The following ASMTL variants were observed in gnomAD, a reference collection of about 807,000 sequenced individuals.
ASMTL encodes probable bifunctional dTTP/UTP pyrophosphatase/methyltransferase protein.
A neutral mutation model predicts 60.3 loss-of-function variants in ASMTL; 57 were observed. The ratio of observed to expected loss-of-function variants is 0.95; its 90% CI spans 0.76 to 1.18. The LOEUF is 1.18. ASMTL is among the 50% of genes most tolerant of loss of function. The pLI, the probability that ASMTL is intolerant of heterozygous loss-of-function variation, is 0.00. For synonymous variants in ASMTL, 419 were observed against 373.0 expected (o/e 1.12, Z -1.42); for missense variants, 981 against 852.6 (o/e 1.15, Z -1.88).
At chrX:1,416,971 CGCAT>C (rs2090305346) in intron 11 of ASMTL, among the ~76,000 whole-genome samples, 1 of 151,776 alleles carries the variant, frequency 6.6e-6, no homozygotes, top group Non-Finnish European at 1.5e-5. Flanking sequence ...CGTACAGACA[CGCAT>C]GCAAGGACAT....
chrX:1,450,742 C>A (rs2091346605), intron 1 of ASMTL, among the ~76,000 whole-genome samples: 1 of 144,776 alleles, frequency 6.9e-6, no homozygotes, highest in Admixed American at 6.8e-5. Flanking sequence ...TTACTCTCCC[C>A]TCCCCCATCC....
At position 1,445,295 on chromosome X, in the gene ASMTL, C is replaced by G. The variant is rs187992843; in HGVS notation, c.94-2978G>C. Among the ~76,000 whole-genome samples, 369 of 152,236 alleles carry G rather than the reference C, an allele frequency of 2.4e-3. 5 individuals are homozygous for G. Among genetic ancestry groups the G allele is most frequent in the African/African-American group, 8.4e-3 (350 of 41,538 alleles). On this transcript the variant is annotated intron_variant, in intron 1 of 12. Transcript: ENST00000381317. ...GGGTTGCCTAAAACACAAACAGACA[C>G]TCTCGGCTTCCTTTTACCAGCCCAC... is the stretch of plus-strand genomic sequence containing the variant.
intron 1 of ASMTL, among the ~76,000 whole-genome samples, chrX:1,447,779 C>A (rs1569534986): frequency 6.6e-6 from 1 of 151,626 alleles, no homozygotes; most frequent in Non-Finnish European, 1.5e-5. Flanking sequence ...ACACACACCG[C>A]CATCTTGGAT....
chrX:1,411,574 C>CTG (rs1183421608), intron 12 of ASMTL, among the ~76,000 whole-genome samples: 1 of 133,100 alleles, frequency 7.5e-6, no homozygotes, highest in African/African-American at 2.9e-5. Context: ...ATGGTGCGTG[C>CTG]TGTGTGTGTG....
chrX:1,424,443 C>T (rs1177403480), intron 8 of ASMTL, among the ~76,000 whole-genome samples: 4 of 140,908 alleles, frequency 2.8e-5, no homozygotes, highest in Non-Finnish European at 6.2e-5. Context: ...CAGCCGTGCA[C>T]CCATCCATCC....
At chrX:1,450,992 C>G (rs1486760763) in intron 1 of ASMTL, among the ~76,000 whole-genome samples, 1 of 148,968 alleles carries the variant, frequency 6.7e-6, no homozygotes, top group Admixed American at 6.6e-5. Flanking sequence ...TCTCCCCTCC[C>G]CCATCCCTAG....
At chrX:1,437,205 TTCC>T (rs1292628877) in intron 3 of ASMTL, among the ~76,000 whole-genome samples, 1 of 152,092 alleles carries the variant, frequency 6.6e-6, no homozygotes, top group African/African-American at 2.4e-5. Context: ...GCAGGGCTGG[TTCC>T]TCCTGAGGCC....
intron 11 of ASMTL, among the ~76,000 whole-genome samples, chrX:1,416,808 A>G (rs778515012): frequency 3.8e-4 from 56 of 148,692 alleles, no homozygotes; most frequent in African/African-American, 1.3e-3. Context: ...ACATGCACAC[A>G]CACCATGCAC....
intron 6 of ASMTL, among the ~76,000 whole-genome samples, chrX:1,430,987 C>G (rs1197797529): frequency 7.3e-6 from 1 of 136,112 alleles, no homozygotes; most frequent in African/African-American, 2.8e-5. Flanking sequence ...TACATATAAT[C>G]ACACTTTATA....
chrX:1,422,550 C>T (rs5949056), intron 8 of ASMTL, among the ~76,000 whole-genome samples: 101,494 of 151,798 alleles, frequency 0.67, 34,955 homozygotes, highest in South Asian at 0.87. Context: ...TGTCCATAGA[C>T]CCAGTCCCCA....
At chrX:1,447,488 C>T (rs1192870197) in intron 1 of ASMTL, among the ~76,000 whole-genome samples, 1 of 152,098 alleles carries the variant, frequency 6.6e-6, no homozygotes, top group Non-Finnish European at 1.5e-5. Flanking sequence ...GAAGCACCAC[C>T]ATCTTGGACA....
chrX:1,418,101 A>G lies in ASMTL; in HGVS notation c.1394T>C (p.Leu465Pro), dbSNP rs200555637. The change falls in exon 11 of 13, where the codon CTG becomes CCG. Residue 465 changes from leucine (L) to proline (P), a missense_variant. By Grantham distance (98) the Leu-to-Pro change is moderately conservative. Coordinates refer to ENST00000381317, the MANE Select transcript of ASMTL (RefSeq NM_004192.4). Reference protein sequence around the residue: ...ACDVGGCTGALARELAREYPR... With the variant: ...ACDVGGCTGAPARELAREYPR... ...GTACTCACGGGCCAGCTCTCGGGCCAGTGCACCCGTGCAGCCTGCGGGGAA... is the reference window on the plus strand; with the variant it reads ...GTACTCACGGGCCAGCTCTCGGGCCGGTGCACCCGTGCAGCCTGCGGGGAA... 1.2e-4 allele frequency: 196 copies of G among 1,607,990 alleles called. No homozygotes were observed. The East Asian group carries it at 2.0e-3, about 17-fold the overall frequency.
intron 12 of ASMTL, 49 bp downstream of exon 12, chrX:1,412,683 A>G (rs762472702): frequency 1.4e-5 from 22 of 1,612,616 alleles, no homozygotes; most frequent in African/African-American, 4.0e-5. Context: ...ACTTGAACCC[A>G]AAATACTACG....
chrX:1,433,691 A>G (rs1280465108), intron 5 of ASMTL, among the ~76,000 whole-genome samples: 1 of 151,426 alleles, frequency 6.6e-6, no homozygotes, highest in Non-Finnish European at 1.5e-5. Flanking sequence ...AAAAAGAAAA[A>G]AAAAAGAGAC....
chrX:1,418,526 C>T (rs1445858563), intron 10 of ASMTL, among the ~76,000 whole-genome samples: 1 of 152,068 alleles, frequency 6.6e-6, no homozygotes, highest in Non-Finnish European at 1.5e-5. Flanking sequence ...ATGGCTGGTG[C>T]TACAGCAGCC....
In ASMTL at chrX:1,430,940, C is replaced by T. The variant is rs192632370; in HGVS notation, c.509+1329G>A. On this transcript the variant is annotated intron_variant, in intron 6 of 12. Transcript: ENST00000381317. ...ATAATACATTATATATTATATATAA[C>T]TAATATGTATTACATATATTTAATT... is the stretch of plus-strand genomic sequence containing the variant. Among the ~76,000 whole-genome samples, 570 of 138,176 alleles carry T rather than the reference C, an allele frequency of 4.1e-3. 3 individuals are homozygous for T. The highest frequency in any genetic ancestry group is 0.015 in the African/African-American group (526 of 36,264). 90.6% of individuals were successfully genotyped at this position (138,176 alleles called of 152,430 possible). A position where few individuals can be genotyped will look rare whatever the true frequency, so the allele number is the denominator to read the frequency against.
At chrX:1,413,089 A>G in intron 11 of ASMTL, 2 of 561,332 alleles carry the variant, frequency 3.6e-6, no homozygotes, top group Non-Finnish European at 6.4e-6. Context: ...AACGCTGGGG[A>G]CAGTGGCTCA....
rs769154668 is a variant in ASMTL, at chrX:1,418,993, C to T, written c.1367G>A (p.Cys456Tyr). The T allele has an allele frequency of 6.2e-7, 1 of 1,611,786 alleles. No individual in the cohort carries two copies. Among genetic ancestry groups the T allele is most frequent in the Admixed American group, 1.7e-5 (1 of 59,988 alleles). The change falls in exon 10 of 13, where the codon TGC (cysteine) becomes TAC (tyrosine). Residue 456 changes from cysteine to tyrosine, a missense_variant. Coordinates refer to ENST00000381317, the MANE Select transcript of ASMTL (RefSeq NM_004192.4). ...AFNLSRFSSA[C>Y]DVGGCTGALA... ...GGGGGGCCACCCACCTCCCACGTCG[C>T]AGGCGGAGGAGAAGCGGGACAGATT...
Position 1,419,122 on chromosome X carries a change from ACAG to A in ASMTL, c.1246-11_1246-9del. ...GCTCTGGTAGTACGCATCCTGGAAC[ACAG>A]CAGGTGCTTAGGGGCACCAGAGAAC... On this transcript the variant is annotated splice_polypyrimidine_tract_variant and intron_variant, in intron 9 of 12. Coordinates refer to ENST00000381317, the MANE Select transcript of ASMTL (RefSeq NM_004192.4). 1.2e-6 allele frequency: 2 copies of A among 1,610,810 alleles called. No homozygotes were observed. Among genetic ancestry groups the A allele is most frequent in the South Asian group, 2.2e-5 (2 of 90,742 alleles).
Sources: allele counts gnomAD v4.1 joint callset (sites outside exome capture counted in the v4.1 genomes callset), GRCh38; gene constraint gnomAD v4.1.1; transcripts MANE v1.5; gene names NCBI Gene and HGNC (gene_info 2026-07-23, HGNC 2026-07-21).